Variants in APPL2 observed in about 807,000 individuals in gnomAD.
APPL2 encodes the protein adaptor protein, phosphotyrosine interacting with PH domain and leucine zipper 2, also known as DCC-interacting protein 13-beta.
A neutral mutation model predicts 92.7 loss-of-function variants in APPL2; 84 were observed. The observed-to-expected ratio is 0.91, with a 90% CI of 0.76 to 1.09. The LOEUF (loss-of-function observed/expected upper bound fraction) is 1.09. Ranked by LOEUF, APPL2 falls within the 50% of genes least tolerant of loss-of-function variation. The pLI is 0.00. For missense variants in APPL2, 736 were observed against 824.5 expected, an observed-to-expected ratio of 0.89 and a Z score of 1.31; for synonymous variants, 291 against 291.0, an observed-to-expected ratio of 1.00 and a Z score of 0.00.
At chr12:105,205,021 C>T (rs1240566523) in intron 8 of APPL2, among the ~76,000 whole-genome samples, 2 of 152,222 alleles carry the variant, frequency 1.3e-5, no homozygotes, top group Non-Finnish European at 2.9e-5. Flanking sequence ...CCCCACACCT[C>T]CACAAAGGTG....
At chr12:105,206,238 G>C (rs763793773) in intron 8 of APPL2, among the ~76,000 whole-genome samples, 1 of 152,176 alleles carries the variant, frequency 6.6e-6, no homozygotes, top group Non-Finnish European at 1.5e-5. Context: ...AGAAGTATTA[G>C]ATGTTCATAT....
At chr12:105,176,709 A>G (rs1885578000) in intron 19 of APPL2, 167 bp downstream of exon 19, 10 of 836,516 alleles carry the variant, frequency 1.2e-5, no homozygotes, top group Admixed American at 2.8e-5. Flanking sequence ...AGAAATTTAA[A>G]TCGAGTTTTC....
intron 4 of APPL2, among the ~76,000 whole-genome samples, chr12:105,216,845 T>C (rs1889735357): frequency 6.6e-6 from 1 of 152,248 alleles, no homozygotes; most frequent in South Asian, 2.1e-4. Flanking sequence ...ATCTTTCTTT[T>C]GGTCTATTCT....
chr12:105,176,198 A>C, intron 19 of APPL2, 116 bp from the exon 20 acceptor site: 1 of 902,460 alleles, frequency 1.1e-6, no homozygotes. Context: ...ACTTGGGAAC[A>C]CAGGACCTGG....
At position 105,174,594 on chromosome 12, in the gene APPL2, T is replaced by G. The variant is rs1592744878; in HGVS notation, c.1861-146A>C. 3 of 760,616 alleles carry G rather than the reference T, an allele frequency of 3.9e-6. No homozygotes were observed. The East Asian group carries it at 9.5e-5, about 24-fold the overall frequency. The allele number at this position is 760,616 out of a possible 1,614,324, so 47.1% of individuals were successfully genotyped here. ...TGTGCCTTCCGCTGAGTCTCCTTGC[T>G]TCTCAAACTCAGGCATGTCACTTCT... is the stretch of plus-strand genomic sequence containing the variant. On this transcript the variant is annotated intron_variant, in intron 20 of 20. Coordinates refer to ENST00000258530, the MANE Select transcript of APPL2 (RefSeq NM_018171.5).
At chr12:105,184,681 G>T (rs1886426159) in intron 17 of APPL2, among the ~76,000 whole-genome samples, 1 of 152,224 alleles carries the variant, frequency 6.6e-6, no homozygotes, top group South Asian at 2.1e-4. Flanking sequence ...CCTGTATGAG[G>T]TGTCTGTCGA....
chr12:105,182,082 T>C (rs1037840260), intron 17 of APPL2, among the ~76,000 whole-genome samples: 2 of 152,170 alleles, frequency 1.3e-5, no homozygotes, highest in Non-Finnish European at 2.9e-5. Context: ...TGGAGTGCAA[T>C]GGCATGATCT....
intron 4 of APPL2, among the ~76,000 whole-genome samples, chr12:105,212,290 G>C (rs1196760): frequency 0.95 from 144,464 of 152,284 alleles, 68,601 homozygotes; most frequent in East Asian, 1. Context: ...CTCAAGGACT[G>C]AGTAAATTCT....
chr12:105,177,580 A>G (rs1452003541), intron 17 of APPL2: 1 of 307,956 alleles, frequency 3.2e-6, no homozygotes, highest in Non-Finnish European at 6.1e-6. Flanking sequence ...GATGGATTAT[A>G]TTCTGTACAG....
chr12:105,175,945 A>T, intron 20 of APPL2, 90 bp downstream of exon 20: 1 of 1,286,962 alleles, frequency 7.8e-7, no homozygotes, highest in South Asian at 1.5e-5. Context: ...CTTTCCAGTG[A>T]ACATCACTTT....
intron 14 of APPL2, among the ~76,000 whole-genome samples, chr12:105,193,310 G>T (rs1244640276): frequency 6.6e-6 from 1 of 152,148 alleles, no homozygotes; most frequent in African/African-American, 2.4e-5. Flanking sequence ...CAACACCCTT[G>T]AGAGATGGCA....
intron 2 of APPL2, among the ~76,000 whole-genome samples, chr12:105,221,889 G>A (rs1440901108): frequency 1.3e-5 from 2 of 152,218 alleles, no homozygotes; most frequent in Non-Finnish European, 2.9e-5. Flanking sequence ...AGCACAGAAC[G>A]CTAACTAAAT....
intron 14 of APPL2, 152 bp downstream of exon 14, chr12:105,195,109 G>A (rs907336761): frequency 2.8e-6 from 2 of 707,018 alleles, no homozygotes; most frequent in Admixed American, 2.3e-5. Context: ...AACACAGGCA[G>A]GTATTTAACC....
At chr12:105,232,680 C>T (rs1011676194) in intron 1 of APPL2, among the ~76,000 whole-genome samples, 2 of 149,374 alleles carry the variant, frequency 1.3e-5, no homozygotes, top group Non-Finnish European at 3.0e-5. Context: ...GGGAGGATCG[C>T]TTGAGCCCAG....
Position 105,173,438 on chromosome 12 carries a change from G to C in APPL2, c.*876C>G, listed in dbSNP as rs1308675791. ...ATAGGGAGGAGGGATGGGGGAGTGG[G>C]CTGGGGTTCCAGGAATTGGAAGTAT... On this transcript the variant is annotated 3_prime_UTR_variant, in exon 21 of 21. Coordinates refer to ENST00000258530, the MANE Select transcript of APPL2 (RefSeq NM_018171.5). The C allele has an allele frequency of 6.6e-6, 1 of 152,598 alleles. No homozygotes were observed. The highest frequency in any genetic ancestry group is 1.5e-5 in the Non-Finnish European group (1 of 68,036). 9.5% of individuals were successfully genotyped at this position (152,598 alleles called of 1,614,324 possible).
chr12:105,186,676 T>TATATG (rs1886721110), intron 17 of APPL2, among the ~76,000 whole-genome samples: 2 of 32,816 alleles, frequency 6.1e-5, no homozygotes, highest in Non-Finnish European at 1.2e-4. Flanking sequence ...ATATATATGA[T>TATATG]ATATCATATA....
At chr12:105,219,824 T>G (rs183485035) in intron 2 of APPL2, among the ~76,000 whole-genome samples, 1 of 152,350 alleles carries the variant, frequency 6.6e-6, no homozygotes, top group East Asian at 1.9e-4. Context: ...TCGTGCTCCT[T>G]CTTTCTGAGT....
chr12:105,192,019 C>T (rs778327171), intron 14 of APPL2, among the ~76,000 whole-genome samples: 28 of 152,118 alleles, frequency 1.8e-4, no homozygotes, highest in Non-Finnish European at 4.1e-4. Context: ...CTGTATCATC[C>T]GTTGACTGCT....
chr12:105,232,360 A>G (rs777861463), intron 1 of APPL2, among the ~76,000 whole-genome samples: 4 of 152,206 alleles, frequency 2.6e-5, no homozygotes, highest in Non-Finnish European at 4.4e-5. Context: ...GTATTACCTA[A>G]TAAAACACTC....
Sources: allele counts gnomAD v4.1 joint callset (sites outside exome capture counted in the v4.1 genomes callset), GRCh38; gene constraint gnomAD v4.1.1; transcripts MANE v1.5; gene names NCBI Gene and HGNC (gene_info 2026-07-23, HGNC 2026-07-21).